Variants in XK observed in about 807,000 individuals in gnomAD.
XK encodes X-linked Kx blood group antigen, Kell and VPS13A binding protein.
XK carries 2 observed loss-of-function variants against 14.0 expected under a neutral mutation model. That is an observed-to-expected ratio of 0.14 (90% CI 0.06 to 0.45). XK has a LOEUF of 0.45. XK is among the 20% of genes least tolerant of loss of function. XK has a pLI of 0.98. For missense variants in XK, 235 were observed against 341.5 expected, an observed-to-expected ratio of 0.69 and a Z score of 2.46; for synonymous variants, 149 against 147.5, an observed-to-expected ratio of 1.01 and a Z score of -0.08.
intron 1 of XK, among the ~76,000 whole-genome samples, chrX:37,687,204 C>T (rs1315857160): frequency 1.9e-5 from 2 of 107,741 alleles, no homozygotes; most frequent in Non-Finnish European, 1.9e-5. Flanking sequence ...TACACACACA[C>T]ACACACACAC....
intron 2 of XK, among the ~76,000 whole-genome samples, chrX:37,704,376 A>G (rs1556444464): frequency 9.0e-6 from 1 of 111,402 alleles, no homozygotes; most frequent in East Asian, 2.8e-4. Context: ...CTCTACAAAA[A>G]TATTTTAAAA....
At chrX:37,723,305 A>G (rs1927916230) in intron 2 of XK, among the ~76,000 whole-genome samples, 1 of 111,341 alleles carries the variant, frequency 9.0e-6, no homozygotes, top group African/African-American at 3.3e-5. Flanking sequence ...TATTTGCATG[A>G]GCATCATTCT....
chrX:37,720,252 T>A (rs1556448614), intron 2 of XK, among the ~76,000 whole-genome samples: 1 of 111,180 alleles, frequency 9.0e-6, no homozygotes, highest in East Asian at 2.8e-4. Flanking sequence ...TCGAGAGATT[T>A]TTTTTTTCTT....
At chrX:37,688,059 CT>C (rs1222330719) in intron 1 of XK, among the ~76,000 whole-genome samples, 26 of 54,630 alleles carry the variant, frequency 4.8e-4, no homozygotes, top group African/African-American at 1.7e-3. Flanking sequence ...TTCTTTCTTT[CT>C]TTTTTTTTTT....
chrX:37,707,612 A>G (rs190142630), intron 2 of XK, among the ~76,000 whole-genome samples: 34,607 of 106,048 alleles, frequency 0.33, 6,643 homozygotes, highest in African/African-American at 0.73. Flanking sequence ...CAGACGGGGC[A>G]GCGGGGCAGA....
rs185400366 is a variant in XK, at chrX:37,731,997, G to A, written c.*3535G>A. On this transcript the variant is annotated 3_prime_UTR_variant, in exon 3 of 3. Transcript: ENST00000378616. ...AAACATTAGTGCTATGGTTATGAGT[G>A]TATGTGCCAGTACTTACCAGTCAAT... 3 of 111,570 alleles carry A rather than the reference G, an allele frequency of 2.7e-5. No individual in the cohort carries two copies. Among genetic ancestry groups the A allele is most frequent in the African/African-American group, 9.8e-5 (3 of 30,744 alleles). The allele number at this position is 111,570 out of a possible 1,213,427, so 9.2% of individuals were successfully genotyped here.
chrX:37,731,705 T>C lies in XK; in HGVS notation c.*3243T>C, dbSNP rs1158245987. The C allele has an allele frequency of 8.9e-6, 1 of 111,810 alleles. No homozygotes were observed. Among genetic ancestry groups the C allele is most frequent in the Non-Finnish European group, 1.9e-5 (1 of 53,074 alleles). The allele number at this position is 111,810 out of a possible 1,213,427, so 9.2% of individuals were successfully genotyped here. On this transcript the variant is annotated 3_prime_UTR_variant, in exon 3 of 3. Transcript: ENST00000378616. ...GCCCTTTCTCTTACCACTAGTTGCT[T>C]ACAAAAATAGCACCCAAACACATGG...
intron 2 of XK, among the ~76,000 whole-genome samples, chrX:37,698,220 C>T (rs1556442887): frequency 9.0e-6 from 1 of 111,534 alleles, no homozygotes; most frequent in African/African-American, 3.3e-5. Flanking sequence ...TTTCATGAAC[C>T]CTTGATTTGT....
At chrX:37,702,743 T>TGAGTTTG (rs1556444129) in intron 2 of XK, among the ~76,000 whole-genome samples, 1 of 112,470 alleles carries the variant, frequency 8.9e-6, no homozygotes, top group African/African-American at 3.2e-5. Context: ...TAGAGATACT[T>TGAGTTTG]GAGTTTGTTA....
chrX:37,707,891 G>A (rs191199596), intron 2 of XK, among the ~76,000 whole-genome samples: 7 of 112,383 alleles, frequency 6.2e-5, no homozygotes, highest in Admixed American at 5.6e-4. Context: ...CCAAGATCAC[G>A]CCACCGCACT....
At chrX:37,701,490 T>TGGCCAGATGCTGCCC (rs1927416415) in intron 2 of XK, among the ~76,000 whole-genome samples, 1 of 112,732 alleles carries the variant, frequency 8.9e-6, no homozygotes, top group Non-Finnish European at 1.9e-5. Flanking sequence ...TGCTGCCTGT[T>TGGCCAGATGCTGCCC]GGCCAGATGC....
In XK at chrX:37,694,444, C is replaced by T. The variant is rs782079646; in HGVS notation, c.404C>T (p.Ala135Val). Reference sequence around the variant, plus strand: ...GGCAAACTAATCACCCACCGATCAGCGTTCAGCCGGGCGTCGGTGATCCAG... The same window carrying T: ...GGCAAACTAATCACCCACCGATCAGTGTTCAGCCGGGCGTCGGTGATCCAG... ...AEGKLITHRS[A>V]FSRASVIQAF... The change falls in exon 2 of 3, where the codon GCG becomes GTG. Residue 135 changes from alanine (A) to valine (V), a missense_variant. Coordinates refer to ENST00000378616, the MANE Select transcript of XK (RefSeq NM_021083.4). 1.3e-5 allele frequency: 15 copies of T among 1,194,325 alleles called. No individual in the cohort carries two copies. In the Admixed American group the frequency reaches 3.0e-4, roughly 23 times the overall value.
intron 2 of XK, among the ~76,000 whole-genome samples, chrX:37,711,601 G>T (rs989191826): frequency 5.2e-4 from 58 of 112,215 alleles, no homozygotes; most frequent in African/African-American, 1.8e-3. Context: ...GTTTAAAAAT[G>T]TAGTCTTGAT....
intron 2 of XK, among the ~76,000 whole-genome samples, chrX:37,707,798 T>G (rs1162180439): frequency 9.0e-6 from 1 of 111,637 alleles, no homozygotes; most frequent in East Asian, 2.9e-4. Context: ...ACTTCCCAGA[T>G]GGGGTGGCAG....
intron 2 of XK, among the ~76,000 whole-genome samples, chrX:37,724,477 A>G (rs1365148526): frequency 9.0e-6 from 1 of 111,236 alleles, no homozygotes; most frequent in African/African-American, 3.3e-5. Flanking sequence ...CAGACCTTAC[A>G]CCCTTCACAA....
chrX:37,698,586 C>T (rs1178497541), intron 2 of XK, among the ~76,000 whole-genome samples: 2 of 95,140 alleles, frequency 2.1e-5, no homozygotes, highest in Non-Finnish European at 4.1e-5. Context: ...GAAAATTGTA[C>T]TTATAGTCAG....
intron 2 of XK, among the ~76,000 whole-genome samples, chrX:37,720,305 C>T (rs1178904940): frequency 1.8e-5 from 2 of 110,382 alleles, no homozygotes; most frequent in Non-Finnish European, 3.8e-5. Context: ...TTTGGAAGAT[C>T]TCTGATGCCT....
At chrX:37,707,238 G>A (rs781859343) in intron 2 of XK, among the ~76,000 whole-genome samples, 10 of 109,786 alleles carry the variant, frequency 9.1e-5, no homozygotes, top group East Asian at 3.0e-4. Context: ...CCTCCCGGAC[G>A]GGGCGGCTGG....
chrX:37,724,891 T>C lies in XK; in HGVS notation c.509-2745T>C, dbSNP rs201659631. 5.4e-5 allele frequency among the ~76,000 whole-genome samples: 6 copies of C among 110,736 alleles called. No individual in the cohort carries two copies. The East Asian group carries it at 1.7e-3, about 31-fold the overall frequency. On this transcript the variant is annotated intron_variant, in intron 2 of 2. Transcript: ENST00000378616. ...AGATGGACAAGATGGCAAATAAGCA[T>C]ATGAAAATATACTCCACATTATATG...
Sources: gnomAD v4.1 joint callset for allele counts (sites outside exome capture counted in the v4.1 genomes callset) on GRCh38, gnomAD v4.1.1 for gene constraint, MANE v1.5 for transcripts, NCBI Gene and HGNC (gene_info 2026-07-23, HGNC 2026-07-21) for gene names.